The following FGF14 variants were observed in gnomAD, a reference collection of about 807,000 sequenced individuals.
The protein encoded by FGF14 is fibroblast growth factor homologous factor 4.
A neutral mutation model predicts 25.5 loss-of-function variants in FGF14; 5 were observed. The observed-to-expected ratio is 0.20, with a 90% CI of 0.10 to 0.41. The LOEUF (loss-of-function observed/expected upper bound fraction) is 0.41. FGF14 is among the 10% of genes least tolerant of loss of function. The probability of loss-of-function intolerance (pLI) is 1.00; values close to 1 mark genes in which losing one functional copy is unlikely to be tolerated. For missense variants in FGF14, 222 were observed against 320.1 expected, an observed-to-expected ratio of 0.69 and a Z score of 2.34; for synonymous variants, 138 against 118.3, an observed-to-expected ratio of 1.17 and a Z score of -1.08.
chr13:102,110,616 G>T (rs1426033952), intron 1 of FGF14, among the ~76,000 whole-genome samples: 2 of 152,134 alleles, frequency 1.3e-5, no homozygotes, highest in Non-Finnish European at 2.9e-5. Flanking sequence ...TTTCTAACCA[G>T]CATTTACAGA....
chr13:101,917,452 A>C (rs1388878333), upstream of FGF14, among the ~76,000 whole-genome samples: 1 of 152,168 alleles, frequency 6.6e-6, no homozygotes, highest in East Asian at 1.9e-4. Flanking sequence ...GTGGAATTGA[A>C]GGAACATCGG....
At chr13:101,851,364 C>T (rs1045265480) in intron 3 of FGF14, among the ~76,000 whole-genome samples, 2 of 151,976 alleles carry the variant, frequency 1.3e-5, no homozygotes, top group Non-Finnish European at 2.9e-5. Context: ...CCTGAGCCCT[C>T]AGAAGGAACC....
chr13:102,088,145 G>T lies in FGF14; in HGVS notation c.209-212849C>A, dbSNP rs543874943. On this transcript the variant is annotated intron_variant, in intron 1 of 4. Coordinates refer to the FGF14 transcript ENST00000376131. Reference sequence around the variant, plus strand: ...CCAAAATCATACTTTTTAGTAAGTGGGTTAGTTTCCTGTTCGGGTTCGTTT... The same window carrying T: ...CCAAAATCATACTTTTTAGTAAGTGTGTTAGTTTCCTGTTCGGGTTCGTTT... Among the ~76,000 whole-genome samples the T allele has an allele frequency of 5.9e-5, 9 of 152,248 alleles. No individual in the cohort carries two copies. In the South Asian group the frequency reaches 1.9e-3, roughly 32 times the overall value.
intron 1 of FGF14, among the ~76,000 whole-genome samples, chr13:102,336,049 C>A (rs2056778777): frequency 6.6e-6 from 1 of 152,022 alleles, no homozygotes; most frequent in South Asian, 2.1e-4. Context: ...TGAGATGAGG[C>A]CAATTAAGAA....
intron 1 of FGF14, among the ~76,000 whole-genome samples, chr13:102,241,921 T>C (rs1233867426): frequency 2.0e-5 from 3 of 152,132 alleles, no homozygotes; most frequent in Non-Finnish European, 2.9e-5. Flanking sequence ...CAAAGAATCT[T>C]TATTCTTGGC....
intron 1 of FGF14, among the ~76,000 whole-genome samples, chr13:102,021,603 T>G (rs979913487): frequency 6.6e-6 from 1 of 151,792 alleles, no homozygotes; most frequent in South Asian, 2.1e-4. Flanking sequence ...GGAAGGACAA[T>G]CAGCAAAAGA....
At chr13:101,778,024 G>A (rs2039243002) in intron 3 of FGF14, among the ~76,000 whole-genome samples, 2 of 152,174 alleles carry the variant, frequency 1.3e-5, no homozygotes, top group African/African-American at 4.8e-5. Context: ...TAATGAAACT[G>A]TGATAAAACA....
At chr13:102,354,190 T>C (rs565071212) in intron 1 of FGF14, 1 of 152,390 alleles carries the variant, frequency 6.6e-6, no homozygotes, top group Admixed American at 6.5e-5. Context: ...GGATTTCACC[T>C]TGGCAATGTA....
intron 1 of FGF14, among the ~76,000 whole-genome samples, chr13:102,131,413 T>C (rs1159344914): frequency 6.6e-6 from 1 of 152,180 alleles, no homozygotes; most frequent in Non-Finnish European, 1.5e-5. Flanking sequence ...TTTAATTGTC[T>C]CTGTGATGTG....
chr13:101,998,889 T>C (rs2039329201), intron 1 of FGF14, among the ~76,000 whole-genome samples: 1 of 152,212 alleles, frequency 6.6e-6, no homozygotes, highest in Non-Finnish European at 1.5e-5. Flanking sequence ...ACCTAGAGTG[T>C]CTGCTCTACA....
chr13:102,324,895 C>T lies in FGF14; in HGVS notation c.208+76576G>A, dbSNP rs145135984. Among the ~76,000 whole-genome samples the T allele has an allele frequency of 3.0e-3, 456 of 152,208 alleles. 1 individual carries two copies. Among genetic ancestry groups the T allele is most frequent in the Middle Eastern group, 0.01 (3 of 294 alleles). On this transcript the variant is annotated intron_variant, in intron 1 of 4. Coordinates refer to the FGF14 transcript ENST00000376131. ...TCACCCCCTTTTCACTGTACCATAT[C>T]GCCTGCTAACCATTAATTGATATTT...
intron 1 of FGF14, among the ~76,000 whole-genome samples, chr13:101,945,846 C>T (rs1180594452): frequency 6.6e-6 from 1 of 152,180 alleles, no homozygotes; most frequent in Non-Finnish European, 1.5e-5. Flanking sequence ...CATTATGGCA[C>T]TGTTGCCCTC....
At chr13:101,850,675 GAATA>G (rs912272114) in intron 3 of FGF14, among the ~76,000 whole-genome samples, 34 of 140,328 alleles carry the variant, frequency 2.4e-4, no homozygotes, top group East Asian at 1.2e-3. Flanking sequence ...ATAGAGAATA[GAATA>G]TATATAGAAT....
chr13:101,997,256 A>G (rs1414051931), intron 1 of FGF14, among the ~76,000 whole-genome samples: 1 of 151,068 alleles, frequency 6.6e-6, no homozygotes, highest in Non-Finnish European at 1.5e-5. Context: ...CTGCTTCTAG[A>G]ACAGTGCCCA....
chr13:101,978,669 G>T (rs16959532), intron 1 of FGF14, among the ~76,000 whole-genome samples: 2 of 152,062 alleles, frequency 1.3e-5, no homozygotes, highest in African/African-American at 4.8e-5. Context: ...ACTTAAATTC[G>T]CTAGGCATTT....
At chr13:102,127,927 T>G (rs114389449) in intron 1 of FGF14, among the ~76,000 whole-genome samples, 1 of 152,078 alleles carries the variant, frequency 6.6e-6, no homozygotes, top group Non-Finnish European at 1.5e-5. Flanking sequence ...TGAGCAGGGC[T>G]CACCTACACT....
intron 1 of FGF14, among the ~76,000 whole-genome samples, chr13:102,039,028 TTC>T (rs2041607183): frequency 6.6e-6 from 1 of 152,144 alleles, no homozygotes; most frequent in African/African-American, 2.4e-5. Context: ...TTGAGATATG[TTC>T]TGTTATCCTC....
chr13:102,214,832 T>A lies in FGF14; in HGVS notation c.208+186639A>T, dbSNP rs2050305365. Among the ~76,000 whole-genome samples the A allele has an allele frequency of 2.0e-5, 3 of 152,172 alleles. No individual in the cohort carries two copies. In the South Asian group the frequency reaches 6.2e-4, roughly 32 times the overall value. ...ATAATGCATAGGACAGCCCCGCAGA[T>A]AAAAAATTATCCAGCCCAAAATGTC... On this transcript the variant is annotated intron_variant, in intron 1 of 4. Coordinates refer to the FGF14 transcript ENST00000376131.
chr13:102,137,167 C>T (rs1415068355), intron 1 of FGF14, among the ~76,000 whole-genome samples: 1 of 152,150 alleles, frequency 6.6e-6, no homozygotes, highest in Non-Finnish European at 1.5e-5. Context: ...TATAAAAATC[C>T]CAACTTTTGT....
Sources: allele counts gnomAD v4.1 joint callset (sites outside exome capture counted in the v4.1 genomes callset), GRCh38; gene constraint gnomAD v4.1.1; transcripts MANE v1.5; gene names NCBI Gene and HGNC (gene_info 2026-07-23, HGNC 2026-07-21).